The following TBPL1 variants were observed in gnomAD, a reference collection of about 807,000 sequenced individuals.
TBPL1 encodes the protein TATA-box binding protein like 1.
A neutral mutation model predicts 22.1 loss-of-function variants in TBPL1; 4 were observed. The ratio of observed to expected loss-of-function variants is 0.18; its 90% confidence interval spans 0.09 to 0.41. The LOEUF (loss-of-function observed/expected upper bound fraction) is 0.41, where lower values mean the gene tolerates loss of function less well. Ranked by LOEUF, TBPL1 falls within the 10% of genes least tolerant of loss-of-function variation. TBPL1 has a pLI of 1.00. For synonymous variants in TBPL1, 64 were observed against 71.0 expected, an observed-to-expected ratio of 0.90 and a Z score of 0.50; for missense variants, 115 against 222.3, an observed-to-expected ratio of 0.52 and a Z score of 3.07.
chr6:133,978,683 A>G (rs1776356825), intron 1 of TBPL1, among the ~76,000 whole-genome samples: 1 of 152,184 alleles, frequency 6.6e-6, no homozygotes, highest in African/African-American at 2.4e-5. Flanking sequence ...GTTGAGGTAC[A>G]ATTGATACAC....
intron 1 of TBPL1, among the ~76,000 whole-genome samples, chr6:133,959,485 TTTTG>T (rs1775984460): frequency 6.6e-6 from 1 of 152,028 alleles, no homozygotes; most frequent in South Asian, 2.1e-4. Flanking sequence ...CTTTCTTTCT[TTTTG>T]TTTTGTTTTG....
At chr6:133,976,081 T>G (rs1351833357) in intron 1 of TBPL1, among the ~76,000 whole-genome samples, 1 of 152,204 alleles carries the variant, frequency 6.6e-6, no homozygotes. Context: ...TATAATGAAA[T>G]GTACTGTATA....
At chr6:133,975,792 G>A (rs774947890) in intron 1 of TBPL1, among the ~76,000 whole-genome samples, 6 of 152,178 alleles carry the variant, frequency 3.9e-5, no homozygotes, top group Non-Finnish European at 8.8e-5. Flanking sequence ...GGAGGGAAAG[G>A]TGAGGAGGAT....
At chr6:133,967,891 C>T (rs146835238) in intron 1 of TBPL1, among the ~76,000 whole-genome samples, 2 of 152,114 alleles carry the variant, frequency 1.3e-5, no homozygotes, top group Admixed American at 6.5e-5. Flanking sequence ...ACAGCATGTG[C>T]GATCCCAATC....
At chr6:133,983,879 A>G (rs1246717800) in intron 4 of TBPL1, among the ~76,000 whole-genome samples, 3 of 152,208 alleles carry the variant, frequency 2.0e-5, no homozygotes, top group Admixed American at 6.5e-5. Context: ...TTATCACTCT[A>G]TCCCCAGAAA....
rs1165164380 is a variant in TBPL1, at chr6:133,987,646, G to GTATATATA, written c.*607_*608insATATATAT. The GTATATATA allele has an allele frequency of 3.7e-3, 495 of 133,220 alleles. 2 individuals carry two copies. Among genetic ancestry groups the GTATATATA allele is most frequent in the African/African-American group, 0.013 (476 of 36,136 alleles). The allele number at this position is 133,220 out of a possible 1,614,324, so 8.3% of individuals were successfully genotyped here. A position where few individuals can be genotyped will look rare whatever the true frequency, so the allele number is the denominator to read the frequency against. On this transcript the variant is annotated 3_prime_UTR_variant, in exon 7 of 7. Transcript: ENST00000237264. Reference sequence around the variant, plus strand: ...ATTTTGTGTGTGTGTGTGTGTGTGTGTGTATATATATATATATATATGCAC... The same window carrying GTATATATA: ...ATTTTGTGTGTGTGTGTGTGTGTGTGTATATATATGTATATATATATATATATATGCAC...
intron 1 of TBPL1, among the ~76,000 whole-genome samples, chr6:133,963,595 AT>A (rs925437629): frequency 6.6e-6 from 1 of 151,940 alleles, no homozygotes; most frequent in Non-Finnish European, 1.5e-5. Context: ...TAATTTTTGT[AT>A]TTTTTTGTCG....
intron 1 of TBPL1, among the ~76,000 whole-genome samples, chr6:133,970,740 A>G (rs888358373): frequency 2.0e-5 from 3 of 151,994 alleles, no homozygotes; most frequent in African/African-American, 7.3e-5. Flanking sequence ...AGCTGGAACC[A>G]CAGGCATGCA....
At chr6:133,986,338 A>T (rs553033190) in intron 6 of TBPL1, among the ~76,000 whole-genome samples, 136 of 152,322 alleles carry the variant, frequency 8.9e-4, no homozygotes, top group African/African-American at 3.1e-3. Flanking sequence ...ATTTAAATGA[A>T]AGATTACATT....
intron 1 of TBPL1, among the ~76,000 whole-genome samples, chr6:133,969,464 A>C (rs532263175): frequency 3.9e-5 from 6 of 152,154 alleles, no homozygotes; most frequent in African/African-American, 1.4e-4. Flanking sequence ...GTAGGTAGTC[A>C]TATGTAATGA....
intron 1 of TBPL1, among the ~76,000 whole-genome samples, chr6:133,974,760 T>C (rs538867339): frequency 6.6e-6 from 1 of 152,358 alleles, no homozygotes; most frequent in South Asian, 2.1e-4. Flanking sequence ...GAACACAGAT[T>C]TACTCACACT....
intron 1 of TBPL1, among the ~76,000 whole-genome samples, chr6:133,968,611 A>G (rs776709738): frequency 1.3e-5 from 2 of 152,238 alleles, no homozygotes; most frequent in Non-Finnish European, 1.5e-5. Context: ...GTTCAGAACT[A>G]GTCCACTGTC....
At chr6:133,981,746 TTA>T (rs537743937) in intron 2 of TBPL1, among the ~76,000 whole-genome samples, 135 of 152,362 alleles carry the variant, frequency 8.9e-4, no homozygotes, top group Middle Eastern at 6.8e-3. Context: ...TCTGATTCAT[TTA>T]TGTTAGTCAG....
At chr6:133,969,909 T>A (rs1235803764) in intron 1 of TBPL1, among the ~76,000 whole-genome samples, 1 of 152,250 alleles carries the variant, frequency 6.6e-6, no homozygotes, top group Non-Finnish European at 1.5e-5. Flanking sequence ...TACATTTGTC[T>A]AGAATGTATC....
At chr6:133,953,167 TGTCTCTATGCTCCCCAGC>T (rs1275827150), upstream of TBPL1, 1 of 152,658 alleles carries the variant, frequency 6.6e-6, no homozygotes, top group Non-Finnish European at 1.5e-5. Flanking sequence ...CCTCGCGCAC[TGTCTCTATGCTCCCCAGC>T]GTCTAGTCTA....
chr6:133,965,991 C>G (rs1415736350), intron 1 of TBPL1, among the ~76,000 whole-genome samples: 4 of 152,162 alleles, frequency 2.6e-5, no homozygotes, highest in Admixed American at 2.6e-4. Flanking sequence ...TGTTAACTTA[C>G]CCACAGTCAT....
intron 1 of TBPL1, among the ~76,000 whole-genome samples, chr6:133,964,006 A>T (rs866564540): frequency 2.0e-5 from 3 of 152,064 alleles, no homozygotes; most frequent in Admixed American, 6.5e-5. Context: ...GTGACACTGC[A>T]CTCCAGCCTG....
At chr6:133,974,506 G>T (rs773865499) in intron 1 of TBPL1, among the ~76,000 whole-genome samples, 2 of 152,124 alleles carry the variant, frequency 1.3e-5, no homozygotes, top group Non-Finnish European at 2.9e-5. Flanking sequence ...GCTGATTTTT[G>T]TATTTTTAGA....
intron 1 of TBPL1, among the ~76,000 whole-genome samples, chr6:133,976,922 C>T (rs1776322881): frequency 6.7e-6 from 1 of 149,558 alleles, no homozygotes; most frequent in South Asian, 2.1e-4. Context: ...GAGCCAAGAT[C>T]GCGTCACAGC....
Sources: allele counts gnomAD v4.1 joint callset (sites outside exome capture counted in the v4.1 genomes callset), GRCh38; gene constraint gnomAD v4.1.1; transcripts MANE v1.5; gene names NCBI Gene and HGNC (gene_info 2026-07-23, HGNC 2026-07-21).